The following ASIC2 variants were observed in gnomAD, a reference collection of about 807,000 sequenced individuals.
ASIC2 encodes acid-sensing ion channel 2.
Under a neutral mutation model 57.3 loss-of-function variants are expected in ASIC2, and 25 were observed. That is an observed-to-expected ratio of 0.44 (90% confidence interval 0.32 to 0.61). ASIC2 has a LOEUF of 0.61. ASIC2 is among the 20% of genes least tolerant of loss of function. The probability of loss-of-function intolerance (pLI) is 0.06; values close to 1 mark genes in which losing one functional copy is unlikely to be tolerated. For synonymous variants in ASIC2, 319 were observed against 307.5 expected (o/e 1.04, Z -0.39); for missense variants, 641 against 738.1 (o/e 0.87, Z 1.52).
At chr17:34,088,982 C>A (rs190839819) in intron 1 of ASIC2, among the ~76,000 whole-genome samples, 1 of 152,324 alleles carries the variant, frequency 6.6e-6, no homozygotes, top group African/African-American at 2.4e-5. Context: ...TGACCCCTTG[C>A]GCTTCCCAAA....
intron 1 of ASIC2, among the ~76,000 whole-genome samples, chr17:33,432,704 T>C (rs775481232): frequency 6.6e-6 from 1 of 152,182 alleles, no homozygotes; most frequent in Non-Finnish European, 1.5e-5. Flanking sequence ...AGACTATTCC[T>C]AGTTAAGTTT....
At chr17:33,096,010 A>T (rs920025962) in intron 2 of ASIC2, among the ~76,000 whole-genome samples, 1 of 152,114 alleles carries the variant, frequency 6.6e-6, no homozygotes. Flanking sequence ...ACTGTCAAGC[A>T]CCTGCTGTGG....
chr17:33,606,600 T>C (rs953245939), intron 1 of ASIC2, among the ~76,000 whole-genome samples: 3 of 152,176 alleles, frequency 2.0e-5, no homozygotes, highest in Admixed American at 1.3e-4. Context: ...CTGTGCTTCT[T>C]CTCCAACTAC....
chr17:33,211,247 C>G (rs1907256210), intron 1 of ASIC2, among the ~76,000 whole-genome samples: 1 of 152,098 alleles, frequency 6.6e-6, no homozygotes, highest in African/African-American at 2.4e-5. Context: ...GGTGATGCAG[C>G]TGTGTATTGG....
intron 1 of ASIC2, among the ~76,000 whole-genome samples, chr17:33,113,920 C>T (rs990679675): frequency 4.6e-5 from 7 of 152,192 alleles, no homozygotes; most frequent in African/African-American, 9.7e-5. Context: ...TGAGGGTTTT[C>T]GTCATTGGGA....
At chr17:33,813,328 A>G (rs1417173693) in intron 1 of ASIC2, among the ~76,000 whole-genome samples, 3 of 152,220 alleles carry the variant, frequency 2.0e-5, no homozygotes, top group Non-Finnish European at 4.4e-5. Flanking sequence ...GTGACATCAG[A>G]TGGTCCTCAA....
intron 1 of ASIC2, among the ~76,000 whole-genome samples, chr17:33,276,717 T>A (rs762898074): frequency 6.6e-6 from 1 of 151,986 alleles, no homozygotes; most frequent in Non-Finnish European, 1.5e-5. Flanking sequence ...AAGGAAAGAG[T>A]TAACTTAATA....
chr17:33,418,028 A>ATGTGTGTGTGTGTGTG (rs1161141315), intron 1 of ASIC2, among the ~76,000 whole-genome samples: 10 of 67,742 alleles, frequency 1.5e-4, no homozygotes, highest in African/African-American at 3.3e-4. Context: ...GCATGTATGT[A>ATGTGTGTGTGTGTGTG]TGTGTGTGTG....
chr17:33,564,488 C>G (rs2141986515), intron 1 of ASIC2, among the ~76,000 whole-genome samples: 1 of 152,306 alleles, frequency 6.6e-6, no homozygotes, highest in Admixed American at 6.5e-5. Flanking sequence ...ACATAAAGTA[C>G]AAAACTCTGT....
chr17:33,461,965 T>G (rs1442194358), intron 1 of ASIC2, among the ~76,000 whole-genome samples: 1 of 152,248 alleles, frequency 6.6e-6, no homozygotes, highest in African/African-American at 2.4e-5. Context: ...CATGTGCCAC[T>G]GTGTCAGGCA....
At position 33,912,673 on chromosome 17, in the gene ASIC2, T is replaced by C. The variant is rs140735089; in HGVS notation, c.555+243305A>G. 3.7e-3 allele frequency among the ~76,000 whole-genome samples: 561 copies of C among 152,022 alleles called. 5 individuals carry two copies. Among genetic ancestry groups the C allele is most frequent in the African/African-American group, 0.013 (534 of 41,480 alleles). ...GCCCAGAAAAACTAGAGACTGTCAA[T>C]AGCATTTTAAAAATTATAGACTAGG... On this transcript the variant is annotated intron_variant, in intron 1 of 9. Transcript: ENST00000359872.
chr17:33,228,483 G>C (rs535487476), intron 1 of ASIC2, among the ~76,000 whole-genome samples: 3 of 152,346 alleles, frequency 2.0e-5, no homozygotes, highest in Middle Eastern at 3.4e-3. Context: ...TCACATCCAC[G>C]TGCGCATGGC....
At chr17:33,912,936 C>T (rs1915499806) in intron 1 of ASIC2, among the ~76,000 whole-genome samples, 1 of 151,990 alleles carries the variant, frequency 6.6e-6, no homozygotes, top group African/African-American at 2.4e-5. Flanking sequence ...CCAAGATTTG[C>T]CATTGCACTC....
chr17:33,448,417 C>A (rs1290463513), intron 1 of ASIC2, among the ~76,000 whole-genome samples: 1 of 152,120 alleles, frequency 6.6e-6, no homozygotes, highest in Admixed American at 6.5e-5. Flanking sequence ...AATTAAGGAT[C>A]TCGAGATAAG....
chr17:33,961,743 GA>G (rs796759359), intron 1 of ASIC2, among the ~76,000 whole-genome samples: 13 of 104,362 alleles, frequency 1.2e-4, no homozygotes, highest in African/African-American at 5.4e-4. Flanking sequence ...ATTTGGGAGG[GA>G]AAAAAAAGTC....
Position 33,016,034 on chromosome 17 carries a change from G to A in ASIC2, c.1527C>T (p.Ile509=). The A allele has an allele frequency of 6.2e-7, 1 of 1,613,864 alleles. No homozygotes were observed. Among genetic ancestry groups the A allele is most frequent in the Non-Finnish European group, 8.5e-7 (1 of 1,179,942 alleles). ...CAAGCAGGTCTAATAGCTTCTCTTT[G>A]ATCAGCTGCAAGAAAAGCAGGAAGG... ...LELFDYIYEL[I]KEKLLDLLGK... The change falls in exon 9 of 10, where the codon ATC becomes ATT. Residue 509 remains isoleucine, a synonymous_variant. Transcript: ENST00000225823.
At chr17:33,674,208 A>C (rs73279065) in intron 1 of ASIC2, among the ~76,000 whole-genome samples, 7,600 of 152,050 alleles carry the variant, frequency 0.05, 499 homozygotes, top group African/African-American at 0.15. Flanking sequence ...CTTTAGCAAG[A>C]TATTTTCAGA....
chr17:33,337,131 C>T (rs1907545494), intron 1 of ASIC2, among the ~76,000 whole-genome samples: 1 of 152,146 alleles, frequency 6.6e-6, no homozygotes, highest in African/African-American at 2.4e-5. Context: ...AGGGTGCCTG[C>T]TTGGTTCTGA....
intron 1 of ASIC2, among the ~76,000 whole-genome samples, chr17:33,817,553 G>T (rs945263817): frequency 1.6e-4 from 24 of 152,136 alleles, no homozygotes; most frequent in Admixed American, 1.5e-3. Context: ...CATTTCAGAG[G>T]CAGAGAATCT....
Sources: allele counts gnomAD v4.1 joint callset (sites outside exome capture counted in the v4.1 genomes callset), GRCh38; gene constraint gnomAD v4.1.1; transcripts MANE v1.5; gene names NCBI Gene and HGNC (gene_info 2026-07-23, HGNC 2026-07-21).